The following R3HDM2 variants were observed in gnomAD, a reference collection of about 807,000 sequenced individuals.
R3HDM2 encodes the protein R3H domain-containing protein 2.
Under a neutral mutation model 124.5 loss-of-function variants are expected in R3HDM2, and 38 were observed. That is an observed-to-expected ratio of 0.31 (90% confidence interval 0.24 to 0.40). The LOEUF is 0.40. R3HDM2 is among the 10% of genes least tolerant of loss of function. R3HDM2 has a pLI of 1.00. For missense variants in R3HDM2, 869 were observed against 1,236.9 expected, an observed-to-expected ratio of 0.70 and a Z score of 4.46; for synonymous variants, 391 against 448.0, an observed-to-expected ratio of 0.87 and a Z score of 1.61.
chr12:57,398,806 A>C (rs1024938441), intron 1 of R3HDM2, among the ~76,000 whole-genome samples: 3 of 152,148 alleles, frequency 2.0e-5, no homozygotes, highest in African/African-American at 7.2e-5. Flanking sequence ...CCTTTCTCAG[A>C]AGGTAAAATT....
chr12:57,369,651 C>T (rs140808379), intron 2 of R3HDM2, among the ~76,000 whole-genome samples: 407 of 152,262 alleles, frequency 2.7e-3, no homozygotes, highest in Admixed American at 6.3e-3. Context: ...ATCCCCAACA[C>T]CTAAGATCCC....
chr12:57,368,036 CTTT>C (rs1304016239), intron 2 of R3HDM2, among the ~76,000 whole-genome samples: 1 of 151,360 alleles, frequency 6.6e-6, no homozygotes, highest in East Asian at 1.9e-4. Context: ...AACCGTGTTT[CTTT>C]TGTGATTTTT....
At chr12:57,267,262 TA>T (rs973332816) in intron 18 of R3HDM2, among the ~76,000 whole-genome samples, 37 of 149,946 alleles carry the variant, frequency 2.5e-4, no homozygotes, top group Non-Finnish European at 4.6e-4. Context: ...ATTTTTGGCC[TA>T]AAAAAAAAGT....
intron 19 of R3HDM2, among the ~76,000 whole-genome samples, chr12:57,265,633 T>G (rs1348628358): frequency 1.3e-5 from 2 of 152,086 alleles, no homozygotes; most frequent in Non-Finnish European, 2.9e-5. Flanking sequence ...ATTTCTTTTT[T>G]TTTCCCCCTA....
At position 57,383,107 on chromosome 12, in the gene R3HDM2, G is replaced by A. The variant is rs1008992616; in HGVS notation, c.-36+12642C>T. The stretch of plus-strand genomic sequence containing the variant: ...TGACCTCAGGTGATCCACCGGCCTT[G>A]GCCTCCCAAAGTTCTGGGATTATAG... On this transcript the variant is annotated intron_variant, in intron 2 of 23. Transcript: ENST00000402412. Among the ~76,000 whole-genome samples, 5 of 151,838 alleles carry A rather than the reference G, an allele frequency of 3.3e-5. No homozygotes were observed. The South Asian group carries it at 1.0e-3, about 32-fold the overall frequency.
At chr12:57,318,240 C>T (rs940736427) in intron 2 of R3HDM2, among the ~76,000 whole-genome samples, 2 of 151,620 alleles carry the variant, frequency 1.3e-5, no homozygotes, top group South Asian at 2.1e-4. Context: ...TGCGGGCAAC[C>T]GAGATCATAC....
intron 2 of R3HDM2, among the ~76,000 whole-genome samples, chr12:57,348,753 C>T (rs2060342421): frequency 6.9e-6 from 1 of 144,276 alleles, no homozygotes; most frequent in African/African-American, 2.6e-5. Context: ...CATGGTGGCA[C>T]ACACCTGTAG....
At chr12:57,256,186 C>T in intron 22 of R3HDM2, 112 bp from the exon 23 acceptor site, 1 of 1,109,662 alleles carries the variant, frequency 9.0e-7, no homozygotes, top group Non-Finnish European at 1.4e-6. Flanking sequence ...GACCCCACCC[C>T]ACTAGGCAGT....
chr12:57,255,068 G>A lies in R3HDM2; in HGVS notation c.2678C>T (p.Thr893Ile). 1 of 1,611,280 alleles carries A rather than the reference G, an allele frequency of 6.2e-7. No homozygotes were observed. Among genetic ancestry groups the A allele is most frequent in the Middle Eastern group, 1.7e-4 (1 of 6,040 alleles). Residue 893 changes from threonine (T) to isoleucine (I), a missense_variant, in exon 24 of 24, where the codon ACC (threonine) becomes ATC (isoleucine). Thr to Ile is a moderately conservative substitution (Grantham distance 89, BLOSUM62 -1). This residue lies in a region of R3HDM2 where 602 missense variants were observed against 789.2 expected (regional missense o/e 0.76). Coordinates refer to ENST00000402412, the MANE Select transcript of R3HDM2 (RefSeq NM_001394031.1). ...GAAGAGTTTGTCCGCCTCAGTACGG[G>A]TGATGCCCTCAGGGAGATCTGTCAC... ...LEVTDLPEGI[T>I]RTEADKLFTQ...
chr12:57,281,130 T>C (rs747506284), intron 13 of R3HDM2, among the ~76,000 whole-genome samples: 7 of 151,532 alleles, frequency 4.6e-5, no homozygotes, highest in Admixed American at 1.3e-4. Flanking sequence ...CTACTGAAAA[T>C]ATAAAAATTA....
Position 57,428,411 on chromosome 12 carries a change from C to G in R3HDM2, c.-106+2309G>C, listed in dbSNP as rs369057547. Among the ~76,000 whole-genome samples the G allele has an allele frequency of 1.1e-4, 17 of 151,364 alleles. No homozygotes were observed. In the East Asian group the frequency reaches 2.5e-3, roughly 23 times the overall value. On this transcript the variant is annotated intron_variant, in intron 1 of 23. Coordinates refer to ENST00000402412, the MANE Select transcript of R3HDM2 (RefSeq NM_001394031.1). ...CTTTGGGAGGCCGAGGTGGGCAGAT[C>G]ACGAGGTCAGGAGATCGAGACCATC...
At chr12:57,355,685 G>C (rs2061211742) in intron 2 of R3HDM2, among the ~76,000 whole-genome samples, 2 of 152,004 alleles carry the variant, frequency 1.3e-5, no homozygotes, top group Admixed American at 6.6e-5. Flanking sequence ...TAGACTCTGT[G>C]CTTCCAGACA....
chr12:57,298,286 AC>A, intron 6 of R3HDM2, 118 bp from the exon 7 acceptor site: 1 of 766,354 alleles, frequency 1.3e-6, no homozygotes. Flanking sequence ...GCAAAATCAA[AC>A]TTCCAGGGTT....
chr12:57,415,051 A>G (rs6581144), intron 1 of R3HDM2, among the ~76,000 whole-genome samples: 152,150 of 152,156 alleles, frequency 1, 76,072 homozygotes, highest in Non-Finnish European at 1. Context: ...AGCTTGAAGG[A>G]GCTCCCTCAA....
At chr12:57,264,516 G>A (rs1405500536) in intron 19 of R3HDM2, among the ~76,000 whole-genome samples, 1 of 151,474 alleles carries the variant, frequency 6.6e-6, no homozygotes, top group Non-Finnish European at 1.5e-5. Context: ...AGGTTGCAGT[G>A]AGCCGAGATT....
At chr12:57,405,421 A>T (rs1024196471) in intron 1 of R3HDM2, among the ~76,000 whole-genome samples, 1 of 151,962 alleles carries the variant, frequency 6.6e-6, no homozygotes, top group Non-Finnish European at 1.5e-5. Flanking sequence ...GGAGCTTGAG[A>T]TCAGGAGTTC....
intron 22 of R3HDM2, 69 bp downstream of exon 22, chr12:57,256,345 G>T: frequency 7.6e-7 from 1 of 1,319,846 alleles, no homozygotes; most frequent in Non-Finnish European, 1.0e-6. Context: ...GCTGGTTGAA[G>T]CTCAGACACA....
rs576554184 is a variant in R3HDM2, at chr12:57,311,473, G to A, written c.-35-1010C>T. On this transcript the variant is annotated intron_variant, in intron 2 of 23. Transcript: ENST00000402412. ...GATCTCCTGATCTCGTGATCCGCCCGCCTCAGCCTCCCAAAGTGCTGGGAT... is the reference window on the plus strand; with the variant it reads ...GATCTCCTGATCTCGTGATCCGCCCACCTCAGCCTCCCAAAGTGCTGGGAT... Among the ~76,000 whole-genome samples the A allele has an allele frequency of 5.3e-5, 8 of 152,008 alleles. No individual in the cohort carries two copies. In the South Asian group the frequency reaches 1.2e-3, roughly 24 times the overall value.
rs1400861892 is a variant in R3HDM2, at chr12:57,254,159, A to C, written c.*614T>G. The C allele has an allele frequency of 1.5e-5, 7 of 456,090 alleles. No individual in the cohort carries two copies. Among genetic ancestry groups the C allele is most frequent in the African/African-American group, 1.0e-4 (5 of 50,010 alleles). 28.3% of individuals were successfully genotyped at this position (456,090 alleles called of 1,614,324 possible). On this transcript the variant is annotated 3_prime_UTR_variant, in exon 24 of 24. Transcript: ENST00000402412. ...CTTTCCCAATTCTACCTGACCAAAA[A>C]ATGAGAAATTAATTTTATGATAGGA... is the stretch of plus-strand genomic sequence containing the variant.
Sources: allele counts gnomAD v4.1 joint callset (sites outside exome capture counted in the v4.1 genomes callset), GRCh38; gene constraint gnomAD v4.1.1; regional missense constraint gnomAD v4.1.1; transcripts MANE v1.5; gene names NCBI Gene and HGNC (gene_info 2026-07-23, HGNC 2026-07-21).